The following MAP2K1 variants were observed in gnomAD, a reference collection of about 807,000 sequenced individuals.
MAP2K1 encodes the protein dual specificity mitogen-activated protein kinase kinase 1.
In MAP2K1, 16 loss-of-function variants were observed where a neutral mutation model predicts 46.3. The observed-to-expected ratio is 0.35, with a 90% confidence interval of 0.23 to 0.52. MAP2K1 has a LOEUF of 0.52. MAP2K1 is among the 20% of genes least tolerant of loss of function. MAP2K1 has a pLI of 0.94. For synonymous variants in MAP2K1, 183 were observed against 185.6 expected, an observed-to-expected ratio of 0.99 and a Z score of 0.11; for missense variants, 263 against 497.1, an observed-to-expected ratio of 0.53 and a Z score of 4.48.
chr15:66,388,138 T>C (rs2093347095), intron 1 of MAP2K1, among the ~76,000 whole-genome samples: 1 of 152,226 alleles, frequency 6.6e-6, no homozygotes, highest in African/African-American at 2.4e-5. Context: ...ACTCCTGACC[T>C]GAGGCATGAA....
chr15:66,420,125 TC>T (rs1380474063), intron 1 of MAP2K1, among the ~76,000 whole-genome samples: 9 of 152,074 alleles, frequency 5.9e-5, no homozygotes, highest in Non-Finnish European at 1.2e-4. Flanking sequence ...GCACCTGTAG[TC>T]CCAGCTACTC....
chr15:66,389,568 T>G (rs1286305692), intron 1 of MAP2K1, among the ~76,000 whole-genome samples: 3 of 140,166 alleles, frequency 2.1e-5, no homozygotes, highest in African/African-American at 7.9e-5. Context: ...CTAGCTCTGT[T>G]GTGGTTTTTT....
intron 1 of MAP2K1, among the ~76,000 whole-genome samples, chr15:66,411,632 G>A (rs1163182818): frequency 6.6e-6 from 1 of 152,208 alleles, no homozygotes; most frequent in African/African-American, 2.4e-5. Context: ...ATCCACTAGA[G>A]TGTTGTTTCA....
At position 66,435,251 on chromosome 15, in the gene MAP2K1, G is replaced by T. The variant is rs1217523374; in HGVS notation, c.291+14G>T. 1 of 1,607,512 alleles carries T rather than the reference G, an allele frequency of 6.2e-7. No individual in the cohort carries two copies. The highest frequency in any genetic ancestry group is 8.5e-7 in the Non-Finnish European group (1 of 1,174,592). On this transcript the variant is annotated intron_variant, in intron 2 of 10. Transcript: ENST00000307102. ...ATGGCCAGAAAGGTGAGTTTGCCTT[G>T]ATTAACAGGTAATTGGATTATTTCT...
chr15:66,431,689 T>G (rs1294975515), intron 1 of MAP2K1, among the ~76,000 whole-genome samples: 1 of 152,198 alleles, frequency 6.6e-6, no homozygotes, highest in African/African-American at 2.4e-5. Flanking sequence ...AATTCTTATT[T>G]TTTTGTTGTT....
At chr15:66,401,926 C>G (rs1179721090) in intron 1 of MAP2K1, 1 of 1,300,776 alleles carries the variant, frequency 7.7e-7, no homozygotes, top group Admixed American at 2.2e-5. Flanking sequence ...CGGTTCGGGT[C>G]GAAGGAAATG....
chr15:66,426,369 A>AAC (rs2093458972), intron 1 of MAP2K1, among the ~76,000 whole-genome samples: 1 of 151,710 alleles, frequency 6.6e-6, no homozygotes, highest in Non-Finnish European at 1.5e-5. Flanking sequence ...ACAAAAAAAA[A>AAC]AAAAACCTTT....
chr15:66,388,498 T>C (rs1194289992), intron 1 of MAP2K1, among the ~76,000 whole-genome samples: 1 of 152,224 alleles, frequency 6.6e-6, no homozygotes, highest in Non-Finnish European at 1.5e-5. Context: ...CCTTATGCTC[T>C]TTGGTGATTT....
At chr15:66,409,354 C>T (rs909102228) in intron 1 of MAP2K1, among the ~76,000 whole-genome samples, 1 of 152,172 alleles carries the variant, frequency 6.6e-6, no homozygotes, top group East Asian at 1.9e-4. Context: ...GTGGCGTTCT[C>T]TTAGCCTTAT....
intron 5 of MAP2K1, among the ~76,000 whole-genome samples, chr15:66,480,195 T>C (rs1044782330): frequency 6.6e-6 from 1 of 152,076 alleles, no homozygotes; most frequent in African/African-American, 2.4e-5. Context: ...TTCAAGTGAT[T>C]CCCCTGCCTC....
chr15:66,434,693 T>G (rs1216628879), intron 1 of MAP2K1, among the ~76,000 whole-genome samples: 1 of 151,752 alleles, frequency 6.6e-6, no homozygotes, highest in East Asian at 1.9e-4. Flanking sequence ...TAAACTGGGG[T>G]TTTAAAGCAA....
chr15:66,430,474 T>G (rs1310927045), intron 1 of MAP2K1, among the ~76,000 whole-genome samples: 2 of 152,304 alleles, frequency 1.3e-5, no homozygotes, highest in Non-Finnish European at 1.5e-5. Flanking sequence ...GTGTGGCAGT[T>G]TGGAGATCCC....
intron 9 of MAP2K1, 73 bp downstream of exon 9, chr15:66,489,349 A>G (rs1031601335): frequency 1.1e-5 from 15 of 1,374,464 alleles, no homozygotes; most frequent in East Asian, 6.9e-5. Context: ...TTCTGGAAGC[A>G]CCAGCATTGC....
At chr15:66,445,025 G>A (rs1891825966) in intron 5 of MAP2K1, 1 of 361,846 alleles carries the variant, frequency 2.8e-6, no homozygotes, top group Non-Finnish European at 5.1e-6. Flanking sequence ...CAGTGCATGT[G>A]CATATGCCTA....
intron 1 of MAP2K1, among the ~76,000 whole-genome samples, chr15:66,428,686 C>A (rs183434081): frequency 6.6e-6 from 1 of 151,984 alleles, no homozygotes; most frequent in Non-Finnish European, 1.5e-5. Flanking sequence ...TCACACACCC[C>A]CTCTTAGTTA....
chr15:66,489,217 T>C lies in MAP2K1; in HGVS notation c.963T>C (p.Pro321=). The change falls in exon 9 of 11, where the codon CCT becomes CCC. Residue 321 remains proline (P), a splice_region_variant and synonymous_variant. Transcript: ENST00000307102. ...CTTATCTCAACATGTGTTTGCAGCC[T>C]CCTCCAAAACTGCCCAGTGGAGTGT... ...FELLDYIVNE[P]PPKLPSGVFS... 1.9e-6 allele frequency: 3 copies of C among 1,613,918 alleles called. No homozygotes were observed. Among genetic ancestry groups the C allele is most frequent in the Non-Finnish European group, 2.5e-6 (3 of 1,179,802 alleles).
chr15:66,463,206 T>G (rs554307574), intron 5 of MAP2K1, among the ~76,000 whole-genome samples: 126 of 152,324 alleles, frequency 8.3e-4, no homozygotes, highest in African/African-American at 3.0e-3. Context: ...CCTTTCTCCC[T>G]TCTTCATTTG....
At position 66,402,469 on chromosome 15, in the gene MAP2K1, T is replaced by TA. The variant is rs551640809; in HGVS notation, c.80+15043dup. Among the ~76,000 whole-genome samples, 25 of 152,364 alleles carry TA rather than the reference T, an allele frequency of 1.6e-4. No homozygotes were observed. The South Asian group carries it at 4.8e-3, about 29-fold the overall frequency. ...TCTACTAAAACTTTTAACCCACTCTTACGTAGTTTTGAGAGTCATATATAT... is the reference window on the plus strand; with the variant it reads ...TCTACTAAAACTTTTAACCCACTCTTAACGTAGTTTTGAGAGTCATATATAT... On this transcript the variant is annotated intron_variant, in intron 1 of 10. Coordinates refer to ENST00000307102, the MANE Select transcript of MAP2K1 (RefSeq NM_002755.4).
rs1342148676 is a variant in MAP2K1 at position 66,489,707 on chromosome 15, C to CT, written c.1023-9dup. On this transcript the variant is annotated splice_polypyrimidine_tract_variant and intron_variant, in intron 9 of 10. Transcript: ENST00000307102. ...AGGCAACAGCTCTTACCTTGTCTTT[C>CT]TTCCTTTAAGCTTAATAAAAAACCC... 2 of 1,611,738 alleles carry CT rather than the reference C, an allele frequency of 1.2e-6. No individual in the cohort carries two copies. Among genetic ancestry groups the CT allele is most frequent in the African/African-American group, 2.7e-5 (2 of 74,880 alleles).
Sources: gnomAD v4.1 joint callset for allele counts (sites outside exome capture counted in the v4.1 genomes callset) on GRCh38, gnomAD v4.1.1 for gene constraint, MANE v1.5 for transcripts, NCBI Gene and HGNC (gene_info 2026-07-23, HGNC 2026-07-21) for gene names.